CAGE1: variants seen among roughly 807,000 people sequenced by gnomAD.
The protein encoded by CAGE1 is cancer-associated gene 1 protein.
CAGE1 carries 66 observed loss-of-function variants against 94.9 expected under a neutral mutation model. That is an observed-to-expected ratio of 0.70 (90% confidence interval 0.57 to 0.85). The LOEUF (loss-of-function observed/expected upper bound fraction) is 0.85, where lower values mean the gene tolerates loss of function less well. Ranked by LOEUF, CAGE1 falls within the 40% of genes least tolerant of loss-of-function variation. The pLI, the probability that CAGE1 is intolerant of heterozygous loss-of-function variation, is 0.00. For missense variants in CAGE1, 865 were observed against 950.4 expected (o/e 0.91, Z 1.18); for synonymous variants, 319 against 321.0 (o/e 0.99, Z 0.07).
At position 7,373,655 on chromosome 6, in the gene CAGE1, A is replaced by T; in HGVS notation, c.1164T>A (p.Val388=). The T allele has an allele frequency of 6.2e-7, 1 of 1,613,170 alleles. No individual in the cohort carries two copies. Among genetic ancestry groups the T allele is most frequent in the Non-Finnish European group, 8.5e-7 (1 of 1,179,632 alleles). ...GAAGATGTTTTTGCGTGTTAGCTAA[A>T]ACCTCTTCCAAATTCTGCAATGTCT... ...TKKTLQNLEE[V]LANTQKHLQE... The change falls in exon 5 of 14, where the codon GTT becomes GTA. Residue 388 remains valine (V), a synonymous_variant. Transcript: ENST00000502583.
chr6:7,374,114 T>G lies in CAGE1; in HGVS notation c.705A>C (p.Lys235Asn), dbSNP rs1760653239. 6.2e-7 allele frequency: 1 copy of G among 1,612,128 alleles called. No homozygotes were observed. Among genetic ancestry groups the G allele is most frequent in the African/African-American group, 1.3e-5 (1 of 74,892 alleles). ...SFLCKTAVPS[K>N]EIQNYGEIPE... ...GAATCTCCCCATAATTCTGTATTTC[T>G]TTTGAAGGAACTGCAGTCTGTAAAT... is the stretch of plus-strand genomic sequence containing the variant. Residue 235 changes from lysine (K) to asparagine (N), a missense_variant, in exon 5 of 14, where the codon AAA (lysine) becomes AAC (asparagine). Transcript: ENST00000502583.
intron 2 of CAGE1, 99 bp downstream of exon 2, chr6:7,386,880 G>T (rs2113481516): frequency 1.2e-6 from 1 of 839,210 alleles, no homozygotes; most frequent in Non-Finnish European, 1.9e-6. Flanking sequence ...ACCGAATATT[G>T]TTTTATTGTT....
In CAGE1 at chr6:7,369,941, A is replaced by G. The variant is rs767496583; in HGVS notation, c.1871T>C (p.Met624Thr). The G allele has an allele frequency of 2.5e-6, 4 of 1,612,896 alleles. No individual in the cohort carries two copies. In the East Asian group the frequency reaches 8.9e-5, roughly 36 times the overall value. Reference sequence around the variant, plus strand: ...TACCTGGCATGTGAGAAGTCCCACCATCAGAGCCAGAAGACTGTGCATTTT... The same window carrying G: ...TACCTGGCATGTGAGAAGTCCCACCGTCAGAGCCAGAAGACTGTGCATTTT... ...ASKMHSLLALMVGLLTCQDII... is the reference protein window; with the variant it reads ...ASKMHSLLALTVGLLTCQDII... Residue 624 changes from methionine to threonine, a missense_variant, in exon 6 of 14, where the codon ATG becomes ACG. By Grantham distance (81) the Met-to-Thr change is moderately conservative. Transcript: ENST00000502583.
chr6:7,365,360 G>T, intron 9 of CAGE1, 108 bp downstream of exon 9: 1 of 797,790 alleles, frequency 1.3e-6, no homozygotes, highest in Non-Finnish European at 2.0e-6. Context: ...GCCAGTGTGT[G>T]ACCCTTTTTA....
chr6:7,385,924 T>G, intron 2 of CAGE1, 52 bp from the exon 3 acceptor site: 1 of 959,610 alleles, frequency 1.0e-6, no homozygotes, highest in Non-Finnish European at 1.6e-6. Flanking sequence ...ACAAGCTTCT[T>G]CTAAAGGTAT....
chr6:7,355,038 T>G lies in CAGE1; in HGVS notation c.2369+3A>C. Reference sequence around the variant, plus strand: ...AAATTAAGGATTCGTTTTTTCAACTTACTGTGCAATCTGGGAGTGGGATAT... The same window carrying G: ...AAATTAAGGATTCGTTTTTTCAACTGACTGTGCAATCTGGGAGTGGGATAT... On this transcript the variant is annotated splice_donor_region_variant and intron_variant, in intron 11 of 13. Transcript: ENST00000502583. 1.2e-6 allele frequency: 2 copies of G among 1,601,210 alleles called. No individual in the cohort carries two copies. Among genetic ancestry groups the G allele is most frequent in the Non-Finnish European group, 1.7e-6 (2 of 1,171,100 alleles).
chr6:7,378,408 C>T (rs1012810674), intron 4 of CAGE1, among the ~76,000 whole-genome samples: 1 of 152,008 alleles, frequency 6.6e-6, no homozygotes, highest in African/African-American at 2.4e-5. Context: ...CAAAGTCCCT[C>T]ATGCTAACTA....
Position 7,365,881 on chromosome 6 carries a change from G to A in CAGE1, c.2008C>T (p.Leu670=). 1.3e-6 allele frequency: 2 copies of A among 1,489,850 alleles called. No homozygotes were observed. The highest frequency in any genetic ancestry group is 2.5e-5 in the East Asian group (1 of 40,486). The allele number at this position is 1,489,850 out of a possible 1,614,324, so 92.3% of individuals were successfully genotyped here. A position where few individuals can be genotyped will look rare whatever the true frequency, so the allele number is the denominator to read the frequency against. The change falls in exon 8 of 14, where the codon CTG becomes TTG. Residue 670 remains leucine, a synonymous_variant. Transcript: ENST00000502583. ...LKKKTLDKEL[L]KHKDRITTFR... ...GTTGTGATTCTATCTTTATGTTTCA[G>A]TAGCTAAGAAAAGGAAAACATTCTG...
chr6:7,380,036 C>T (rs1471776784), intron 3 of CAGE1, among the ~76,000 whole-genome samples: 1 of 152,180 alleles, frequency 6.6e-6, no homozygotes, highest in African/African-American at 2.4e-5. Flanking sequence ...CACCTCAAAT[C>T]GTGGAATCAG....
In CAGE1 at chr6:7,368,688, C is replaced by T. The variant is rs1373159313; in HGVS notation, c.2004G>A (p.Glu668=). The T allele has an allele frequency of 7.1e-7, 1 of 1,417,282 alleles. No homozygotes were observed. Among genetic ancestry groups the T allele is most frequent in the Admixed American group, 2.3e-5 (1 of 43,636 alleles). 87.8% of individuals were successfully genotyped at this position (1,417,282 alleles called of 1,614,324 possible). ...LHLKKKTLDK[E]LLKHKDRITT... Reference sequence around the variant, plus strand: ...TTTAGAAGAAGAATAAATATAATACCTCTTTATCTAAAGTTTTCTTTTTAA... The same window carrying T: ...TTTAGAAGAAGAATAAATATAATACTTCTTTATCTAAAGTTTTCTTTTTAA... Residue 668 remains glutamate, a splice_region_variant and synonymous_variant, in exon 7 of 14, where the codon GAG becomes GAA. Transcript: ENST00000502583.
In CAGE1 at chr6:7,362,037, TG is replaced by T. The variant is rs1254210386; in HGVS notation, c.2193+3430del. On this transcript the variant is annotated intron_variant, in intron 9 of 13. Coordinates refer to ENST00000502583, the MANE Select transcript of CAGE1 (RefSeq NM_001170692.2). This position sits in a 1 kb window ranked among gnomAD's most constrained non-coding sequence, Gnocchi z 4.1. ...GGACCACAAGATACTGGGCTTTGAT[TG>T]TTTTCTTTTGGCTCACTTGGAAAAT... Among the ~76,000 whole-genome samples, 19 of 152,334 alleles carry T rather than the reference TG, an allele frequency of 1.2e-4. No individual in the cohort carries two copies. Among genetic ancestry groups the T allele is most frequent in the Non-Finnish European group, 7.3e-5 (5 of 68,028 alleles).
chr6:7,378,595 C>A, intron 4 of CAGE1, 22 bp downstream of exon 4: 1 of 1,530,436 alleles, frequency 6.5e-7, no homozygotes, highest in South Asian at 1.3e-5. Flanking sequence ...AATGGTTTTA[C>A]AATATTATTG....
rs376413686 is a variant in CAGE1 at position 7,329,836 on chromosome 6, C to T, written c.2478+13G>A. 3 of 1,322,434 alleles carry T rather than the reference C, an allele frequency of 2.3e-6. No individual in the cohort carries two copies. The highest frequency in any genetic ancestry group is 2.9e-5 in the African/African-American group (2 of 69,056). The allele number at this position is 1,322,434 out of a possible 1,614,324, so 81.9% of individuals were successfully genotyped here. On this transcript the variant is annotated intron_variant, in intron 13 of 13. Transcript: ENST00000502583. ...ATGTAAGATTCTTTATCATGATCAT[C>T]AAGGTGACCTACCATGGTCATGGAC...
At chr6:7,382,544 G>A (rs902364288) in intron 3 of CAGE1, among the ~76,000 whole-genome samples, 1 of 150,508 alleles carries the variant, frequency 6.6e-6, no homozygotes, top group Non-Finnish European at 1.5e-5. Context: ...CTCCTGATCC[G>A]CTTGCCTCGG....
At chr6:7,371,441 A>G (rs1225724829) in intron 5 of CAGE1, among the ~76,000 whole-genome samples, 4 of 152,200 alleles carry the variant, frequency 2.6e-5, no homozygotes, top group Non-Finnish European at 4.4e-5. Context: ...AAGAGGGTCC[A>G]CTAAGGACAT....
At chr6:7,344,294 G>C (rs1561850675) in intron 11 of CAGE1, among the ~76,000 whole-genome samples, 1 of 152,192 alleles carries the variant, frequency 6.6e-6, no homozygotes, top group African/African-American at 2.4e-5. Context: ...CGTGGGCTTG[G>C]CGGGTCCCGC....
At chr6:7,371,625 A>C (rs1760541273) in intron 5 of CAGE1, among the ~76,000 whole-genome samples, 1 of 152,140 alleles carries the variant, frequency 6.6e-6, no homozygotes, top group South Asian at 2.1e-4. Flanking sequence ...TCTACTAAAA[A>C]TACAAAAAAA....
At chr6:7,347,977 C>T (rs556709123) in intron 11 of CAGE1, among the ~76,000 whole-genome samples, 1 of 152,168 alleles carries the variant, frequency 6.6e-6, no homozygotes, top group East Asian at 1.9e-4. Context: ...ATGGGCCTTC[C>T]CTATCCACCC....
chr6:7,345,207 TG>T (rs1759411971), intron 11 of CAGE1, among the ~76,000 whole-genome samples: 2 of 147,564 alleles, frequency 1.4e-5, no homozygotes, highest in Non-Finnish European at 3.0e-5. Context: ...TTTCACTCTT[TG>T]AAGTTAGTAT....
Sources: allele counts gnomAD v4.1 joint callset (sites outside exome capture counted in the v4.1 genomes callset), GRCh38; gene constraint gnomAD v4.1.1; non-coding constraint Gnocchi (gnomAD v3.1); transcripts MANE v1.5; gene names NCBI Gene and HGNC (gene_info 2026-07-23, HGNC 2026-07-21).